Variants in TBC1D30 observed in about 807,000 individuals in gnomAD.
TBC1D30 encodes TBC1 domain family, member 30.
In TBC1D30, 31 loss-of-function variants were observed where a neutral mutation model predicts 63.2. The ratio of observed to expected loss-of-function variants is 0.49; its 90% CI spans 0.37 to 0.66. TBC1D30 has a LOEUF of 0.66. Among genes scored for constraint, TBC1D30 ranks in the 30% least tolerant of loss-of-function variants. The pLI, the probability that TBC1D30 is intolerant of heterozygous loss-of-function variation, is 0.00. For missense variants in TBC1D30, 810 were observed against 953.6 expected (o/e 0.85, Z 1.98); for synonymous variants, 307 against 361.5 (o/e 0.85, Z 1.71).
At chr12:64,789,729 G>A (rs768412948) in intron 2 of TBC1D30, among the ~76,000 whole-genome samples, 1 of 152,038 alleles carries the variant, frequency 6.6e-6, no homozygotes, top group African/African-American at 2.4e-5. Flanking sequence ...TTAAAACTGG[G>A]CTGGGAATAA....
At chr12:64,844,660 C>T (rs1424582464) in intron 8 of TBC1D30, among the ~76,000 whole-genome samples, 1 of 152,238 alleles carries the variant, frequency 6.6e-6, no homozygotes, top group Non-Finnish European at 1.5e-5. Context: ...ACTATCTCTT[C>T]TTCCCTATCA....
In TBC1D30 at chr12:64,850,764, C is replaced by T. The variant is rs1278422090; in HGVS notation, c.1038+7279C>T. Among the ~76,000 whole-genome samples, 3 of 152,104 alleles carry T rather than the reference C, an allele frequency of 2.0e-5. No individual in the cohort carries two copies. The East Asian group carries it at 5.8e-4, about 29-fold the overall frequency. On this transcript the variant is annotated intron_variant, in intron 8 of 11. Coordinates refer to ENST00000539867, the MANE Select transcript of TBC1D30 (RefSeq NM_015279.2). Reference sequence around the variant, plus strand: ...TTTTGTTGTGTCTCTGCCAGGTTTTCATATGAGGATGATGCTGGTCTCATA... The same window carrying T: ...TTTTGTTGTGTCTCTGCCAGGTTTTTATATGAGGATGATGCTGGTCTCATA...
At chr12:64,874,478 T>C (rs1462779529) in intron 11 of TBC1D30, among the ~76,000 whole-genome samples, 1 of 152,246 alleles carries the variant, frequency 6.6e-6, no homozygotes, top group Admixed American at 6.5e-5. Context: ...TAGGGCTAGA[T>C]GCTGGATAGC....
chr12:64,824,690 C>T lies in TBC1D30; in HGVS notation c.-190C>T, dbSNP rs1874136528. The T allele has an allele frequency of 8.5e-6, 6 of 703,824 alleles. No individual in the cohort carries two copies. In the Admixed American group the frequency reaches 1.6e-4, roughly 19 times the overall value. 43.6% of individuals were successfully genotyped at this position (703,824 alleles called of 1,614,324 possible). A position where few individuals can be genotyped will look rare whatever the true frequency, so the allele number is the denominator to read the frequency against. ...CTGCAGATGCCTGCTGGCTTCCCTG[C>T]GCTCGGCGGCTCCCGCGGTGCCCCG... On this transcript the variant is annotated 5_prime_UTR_variant, in exon 1 of 12. Transcript: ENST00000539867.
intron 2 of TBC1D30, among the ~76,000 whole-genome samples, chr12:64,805,314 C>T (rs576423686): frequency 1.3e-5 from 2 of 152,324 alleles, no homozygotes; most frequent in Middle Eastern, 3.4e-3. Flanking sequence ...TGGCGCTAAA[C>T]AGTCTTTATG....
intron 8 of TBC1D30, among the ~76,000 whole-genome samples, chr12:64,844,714 C>A (rs1010128118): frequency 6.6e-6 from 1 of 152,218 alleles, no homozygotes; most frequent in Non-Finnish European, 1.5e-5. Context: ...TACTGTCTAT[C>A]TCTATCAGTT....
At chr12:64,827,792 A>T in intron 1 of TBC1D30, 43 bp from the exon 2 acceptor site, 15 of 1,331,840 alleles carry the variant, frequency 1.1e-5, no homozygotes, top group Non-Finnish European at 1.5e-5. Context: ...ATAACTTGTT[A>T]TAGTCTCCAA....
intron 11 of TBC1D30, among the ~76,000 whole-genome samples, chr12:64,874,044 G>A (rs1878857238): frequency 6.6e-6 from 1 of 152,196 alleles, no homozygotes; most frequent in African/African-American, 2.4e-5. Flanking sequence ...GCCGCAGGTG[G>A]TCAATGATAA....
intron 3 of TBC1D30, among the ~76,000 whole-genome samples, chr12:64,829,504 C>T (rs1874654389): frequency 6.6e-6 from 1 of 152,016 alleles, no homozygotes; most frequent in Non-Finnish European, 1.5e-5. Flanking sequence ...GTGTGTGTGT[C>T]TGTACGTGTA....
At chr12:64,760,468 C>T (rs954455372) in intron 1 of TBC1D30, among the ~76,000 whole-genome samples, 4 of 152,100 alleles carry the variant, frequency 2.6e-5, no homozygotes, top group African/African-American at 7.2e-5. Flanking sequence ...GAGGCTGAGG[C>T]ATGAGAATCG....
chr12:64,808,107 T>C (rs1375755696), intron 2 of TBC1D30, among the ~76,000 whole-genome samples: 1 of 151,842 alleles, frequency 6.6e-6, no homozygotes, highest in Non-Finnish European at 1.5e-5. Flanking sequence ...CTCTCCACCT[T>C]CCTCTCTCCT....
chr12:64,852,658 G>A (rs748045073), intron 8 of TBC1D30, among the ~76,000 whole-genome samples: 13 of 152,026 alleles, frequency 8.6e-5, no homozygotes, highest in Admixed American at 3.3e-4. Flanking sequence ...AGTGACCTTC[G>A]GATGGGGTTT....
intron 2 of TBC1D30, among the ~76,000 whole-genome samples, chr12:64,819,135 C>G (rs1052326931): frequency 6.6e-6 from 1 of 152,080 alleles, no homozygotes; most frequent in African/African-American, 2.4e-5. Flanking sequence ...AGTCCTTTCT[C>G]AAAAATTAAC....
chr12:64,804,929 C>A (rs75349261), intron 2 of TBC1D30, among the ~76,000 whole-genome samples: 453 of 152,134 alleles, frequency 3.0e-3, no homozygotes, highest in African/African-American at 0.01. Context: ...TGGCTGAATG[C>A]GTGGCTCACA....
intron 11 of TBC1D30, among the ~76,000 whole-genome samples, 176 bp downstream of exon 11, chr12:64,870,984 C>G (rs375715567): frequency 2.0e-5 from 3 of 152,214 alleles, no homozygotes; most frequent in East Asian, 3.9e-4. Flanking sequence ...TTATCAGGCT[C>G]TAAAGAAGAA....
At chr12:64,835,653 G>A (rs1429145600) in intron 5 of TBC1D30, among the ~76,000 whole-genome samples, 2 of 152,108 alleles carry the variant, frequency 1.3e-5, no homozygotes, top group Non-Finnish European at 2.9e-5. Flanking sequence ...AGAAAGTAGA[G>A]GTAGTGATTC....
intron 2 of TBC1D30, among the ~76,000 whole-genome samples, chr12:64,787,622 G>C (rs1042282273): frequency 6.6e-6 from 1 of 151,994 alleles, no homozygotes; most frequent in Non-Finnish European, 1.5e-5. Context: ...TCATTCTTAT[G>C]TTTATTATTA....
At chr12:64,844,712 A>G (rs1876204904) in intron 8 of TBC1D30, among the ~76,000 whole-genome samples, 1 of 152,170 alleles carries the variant, frequency 6.6e-6, no homozygotes, top group Non-Finnish European at 1.5e-5. Flanking sequence ...TCTACTGTCT[A>G]TCTCTATCAG....
chr12:64,810,639 T>C (rs984282309), intron 2 of TBC1D30, among the ~76,000 whole-genome samples: 5 of 151,732 alleles, frequency 3.3e-5, no homozygotes, highest in Non-Finnish European at 7.4e-5. Flanking sequence ...AACCCCGAAG[T>C]ACTACTGACC....
Sources: allele counts gnomAD v4.1 joint callset (sites outside exome capture counted in the v4.1 genomes callset), GRCh38; gene constraint gnomAD v4.1.1; transcripts MANE v1.5; gene names NCBI Gene and HGNC (gene_info 2026-07-23, HGNC 2026-07-21).